The following CDH18 variants were observed in gnomAD, a reference collection of about 807,000 sequenced individuals.
The protein encoded by CDH18 is cadherin 18, also known as cadherin-18.
In CDH18, 31 loss-of-function variants were observed where a neutral mutation model predicts 67.9. The ratio of observed to expected loss-of-function variants is 0.46; its 90% CI spans 0.34 to 0.62. The LOEUF is 0.62. Among genes scored for constraint, CDH18 ranks in the 20% least tolerant of loss-of-function variants. The pLI is 0.01. For synonymous variants in CDH18, 362 were observed against 347.2 expected (o/e 1.04, Z -0.48); for missense variants, 890 against 975.5 (o/e 0.91, Z 1.17).
intron 2 of CDH18, among the ~76,000 whole-genome samples, chr5:20,042,506 C>T (rs1265764723): frequency 1.3e-5 from 2 of 151,946 alleles, no homozygotes. Flanking sequence ...CATTTTTTTT[C>T]ACACAAAAAC....
At chr5:19,809,171 C>T (rs1439474425) in intron 3 of CDH18, among the ~76,000 whole-genome samples, 1 of 151,930 alleles carries the variant, frequency 6.6e-6, no homozygotes, top group East Asian at 1.9e-4. Context: ...AACTAAAATA[C>T]AATACAAGCA....
At chr5:19,634,593 A>G (rs970322086) in intron 5 of CDH18, among the ~76,000 whole-genome samples, 1 of 152,228 alleles carries the variant, frequency 6.6e-6, no homozygotes, top group African/African-American at 2.4e-5. Context: ...TCATGTGCCC[A>G]GATGACTAAA....
chr5:20,347,982 G>T (rs902487455), intron 1 of CDH18, among the ~76,000 whole-genome samples: 1 of 152,048 alleles, frequency 6.6e-6, no homozygotes. Flanking sequence ...TCCAATGTCT[G>T]CATGTCTCAT....
At chr5:19,711,430 T>C (rs1451655856) in intron 5 of CDH18, among the ~76,000 whole-genome samples, 2 of 150,914 alleles carry the variant, frequency 1.3e-5, no homozygotes, top group African/African-American at 4.9e-5. Context: ...AACAAACAAA[T>C]AACCCTATTT....
chr5:19,641,132 C>A (rs1223817663), intron 5 of CDH18, among the ~76,000 whole-genome samples: 2 of 121,768 alleles, frequency 1.6e-5, no homozygotes, highest in African/African-American at 5.9e-5. Context: ...CTTACCGAAT[C>A]TAAATTTTTC....
In CDH18 at chr5:20,536,529, C is replaced by T. The variant is rs548791859; in HGVS notation, c.-580+38933G>A. On this transcript the variant is annotated intron_variant, in intron 1 of 14. Transcript: ENST00000507958. Reference sequence around the variant, plus strand: ...ATGCTTCTGGTGCTGTAGGCCTGAACGGTGCCTGGGAGTCAGTACTGTGCT... The same window carrying T: ...ATGCTTCTGGTGCTGTAGGCCTGAATGGTGCCTGGGAGTCAGTACTGTGCT... Among the ~76,000 whole-genome samples the T allele has an allele frequency of 2.2e-4, 34 of 152,224 alleles. 1 individual carries two copies. The South Asian group carries it at 5.0e-3, about 22-fold the overall frequency.
chr5:20,171,617 T>A (rs10068559), intron 2 of CDH18, among the ~76,000 whole-genome samples: 88,416 of 151,714 alleles, frequency 0.58, 25,816 homozygotes, highest in Middle Eastern at 0.69. Context: ...CTGGATTTAG[T>A]CCTTTTTCTG....
At chr5:19,503,505 T>C (rs1277314695) in intron 10 of CDH18, among the ~76,000 whole-genome samples, 1 of 152,110 alleles carries the variant, frequency 6.6e-6, no homozygotes, top group Non-Finnish European at 1.5e-5. Flanking sequence ...CACTGTATGT[T>C]GGTCTAAGTA....
chr5:20,305,070 T>A (rs566538039), intron 1 of CDH18: 1 of 1,595,710 alleles, frequency 6.3e-7, no homozygotes, highest in East Asian at 2.2e-5. Context: ...GATTTGAAAC[T>A]TTTTTATCAA....
chr5:20,347,714 C>T (rs1305726025), intron 1 of CDH18, among the ~76,000 whole-genome samples: 2 of 152,058 alleles, frequency 1.3e-5, no homozygotes, highest in Admixed American at 1.3e-4. Flanking sequence ...GTGTTTAGCC[C>T]CTCCATGGAT....
At chr5:20,448,742 G>A (rs1750200688) in intron 1 of CDH18, among the ~76,000 whole-genome samples, 1 of 152,104 alleles carries the variant, frequency 6.6e-6, no homozygotes, top group African/African-American at 2.4e-5. Context: ...GGTATAAACA[G>A]ACGTCTGCAG....
chr5:19,586,113 T>A (rs1744092484), intron 7 of CDH18, among the ~76,000 whole-genome samples: 1 of 152,192 alleles, frequency 6.6e-6, no homozygotes, highest in Admixed American at 6.6e-5. Context: ...GTGCTTAAAA[T>A]CTGTCTTGAT....
intron 2 of CDH18, among the ~76,000 whole-genome samples, chr5:19,863,101 G>A (rs1414134797): frequency 1.3e-5 from 2 of 152,264 alleles, no homozygotes; most frequent in South Asian, 4.1e-4. Context: ...GGGCTCCAGG[G>A]AATAGGGGTT....
intron 5 of CDH18, among the ~76,000 whole-genome samples, chr5:19,690,309 C>T (rs1488120130): frequency 1.3e-5 from 2 of 151,296 alleles, no homozygotes; most frequent in African/African-American, 4.8e-5. Context: ...AAAAGTAGTG[C>T]TGAGAGGAAA....
chr5:19,793,099 A>G (rs186723517), intron 3 of CDH18, among the ~76,000 whole-genome samples: 2 of 152,184 alleles, frequency 1.3e-5, no homozygotes, highest in Admixed American at 1.3e-4. Context: ...TCCTTCTACT[A>G]TGACAGAAAA....
intron 8 of CDH18, among the ~76,000 whole-genome samples, chr5:19,546,432 T>C (rs1050539049): frequency 2.0e-5 from 3 of 152,096 alleles, no homozygotes; most frequent in African/African-American, 4.8e-5. Flanking sequence ...CTATCAAAAA[T>C]TGTAAAACTC....
chr5:20,372,282 CA>C (rs1743066139), intron 1 of CDH18, among the ~76,000 whole-genome samples: 1 of 152,016 alleles, frequency 6.6e-6, no homozygotes, highest in African/African-American at 2.4e-5. Flanking sequence ...TACATGTATA[CA>C]ATGTGTAATT....
intron 1 of CDH18, among the ~76,000 whole-genome samples, chr5:20,411,283 C>T (rs1432332251): frequency 6.6e-6 from 1 of 151,918 alleles, no homozygotes; most frequent in Non-Finnish European, 1.5e-5. Flanking sequence ...CATGATAGCT[C>T]AGAAACAAAT....
At chr5:20,404,265 T>C (rs559694810) in intron 1 of CDH18, among the ~76,000 whole-genome samples, 48 of 152,334 alleles carry the variant, frequency 3.2e-4, no homozygotes, top group African/African-American at 1.1e-3. Context: ...TGCTTTCTTA[T>C]CATTGGTGTG....
Sources: allele counts gnomAD v4.1 joint callset (sites outside exome capture counted in the v4.1 genomes callset), GRCh38; gene constraint gnomAD v4.1.1; transcripts MANE v1.5; gene names NCBI Gene and HGNC (gene_info 2026-07-23, HGNC 2026-07-21).